Variants in HOXA5 observed in about 807,000 individuals in gnomAD.
The protein encoded by HOXA5 is homeobox protein Hox-A5.
Under a neutral mutation model 20.0 loss-of-function variants are expected in HOXA5, and 12 were observed. The observed-to-expected ratio is 0.60, with a 90% CI of 0.38 to 0.97. The LOEUF is 0.97. Among genes scored for constraint, HOXA5 ranks in the 50% least tolerant of loss-of-function variants. HOXA5 has a pLI of 0.00. For synonymous variants in HOXA5, 159 were observed against 157.7 expected (o/e 1.01, Z -0.06); for missense variants, 352 against 380.3 (o/e 0.93, Z 0.62).
chr7:27,143,196 T>C lies in HOXA5; in HGVS notation c.412A>G (p.Ser138Gly). Residue 138 changes from serine (S) to glycine (G), a missense_variant, in exon 1 of 2, where the codon AGC (serine) becomes GGC (glycine). By Grantham distance (56) the Ser-to-Gly change is moderately conservative. Coordinates refer to ENST00000222726, the MANE Select transcript of HOXA5 (RefSeq NM_019102.4). Reference protein sequence around the residue: ...ASADAGSTHISSREGVGTASG... With the variant: ...ASADAGSTHIGSREGVGTASG... ...GCCGTGCCAACCCCCTCTCTGCTGC[T>C]GATGTGGGTGCTGCCGGCGTCGGCC... is the stretch of plus-strand genomic sequence containing the variant. 1 of 1,611,274 alleles carries C rather than the reference T, an allele frequency of 6.2e-7. No individual in the cohort carries two copies. The highest frequency in any genetic ancestry group is 1.1e-5 in the South Asian group (1 of 90,814).
chr7:27,142,120 T>C, intron 1 of HOXA5, 35 bp from the exon 2 acceptor site: 1 of 1,598,028 alleles, frequency 6.3e-7, no homozygotes, highest in Non-Finnish European at 8.5e-7. Context: ...AGCCACCAAC[T>C]CCTGTCTTCC....
intron 1 of HOXA5, chr7:27,142,582 A>G (rs1206947186): frequency 1.1e-5 from 2 of 183,226 alleles, no homozygotes; most frequent in East Asian, 1.6e-4. Context: ...AAAATTCAGA[A>G]TCCTGCAGGC....
rs1372868230 is a variant in HOXA5, at chr7:27,141,820, T to A, written c.*15A>T. 1.2e-6 allele frequency: 2 copies of A among 1,612,900 alleles called. No homozygotes were observed. Among genetic ancestry groups the A allele is most frequent in the African/African-American group, 1.3e-5 (1 of 74,868 alleles). On this transcript the variant is annotated 3_prime_UTR_variant, in exon 2 of 2. Transcript: ENST00000222726. ...GATCCGCTAATACTGCTCAGTACTT[T>A]AAACGCTCAGATACTCAGGGACGGA...
At chr7:27,142,722 C>G (rs41303384) in intron 1 of HOXA5, 2 of 354,368 alleles carry the variant, frequency 5.6e-6, no homozygotes, top group Non-Finnish European at 1.0e-5. Context: ...CAGCCATCCT[C>G]TACCTCTCTG....
chr7:27,141,627 A>C lies in HOXA5; in HGVS notation c.*208T>G. On this transcript the variant is annotated 3_prime_UTR_variant, in exon 2 of 2. Coordinates refer to ENST00000222726, the MANE Select transcript of HOXA5 (RefSeq NM_019102.4). ...ATCTATTTTTTTTCAAGACAAAGCCATTCAGGACAAAGAGATGAACAGAAA... is the reference window on the plus strand; with the variant it reads ...ATCTATTTTTTTTCAAGACAAAGCCCTTCAGGACAAAGAGATGAACAGAAA... 2.0e-6 allele frequency: 1 copy of C among 509,474 alleles called. No individual in the cohort carries two copies. The highest frequency in any genetic ancestry group is 3.3e-6 in the Non-Finnish European group (1 of 301,630). The allele number at this position is 509,474 out of a possible 1,614,324, so 31.6% of individuals were successfully genotyped here. A position where few individuals can be genotyped will look rare whatever the true frequency, so the allele number is the denominator to read the frequency against.
Position 27,143,153 on chromosome 7 carries a change from T to G in HOXA5, c.455A>C (p.Asp152Ala), listed in dbSNP as rs776140545. 1 of 1,609,398 alleles carries G rather than the reference T, an allele frequency of 6.2e-7. No homozygotes were observed. Among genetic ancestry groups the G allele is most frequent in the South Asian group, 1.1e-5 (1 of 90,320 alleles). ...GVGTASGAEE[D>A]APASSEQASA... The stretch of plus-strand genomic sequence containing the variant: ...CGCCTGCTCGCTGCTGGCAGGGGCG[T>G]CCTCCTCGGCTCCGGACGCCGTGCC... Residue 152 changes from aspartate (D) to alanine (A), a missense_variant, in exon 1 of 2, where the codon GAC becomes GCC. Around this residue, in one of 3 missense-constraint regions of HOXA5, gnomAD observed 319 missense variants for 336.5 expected, o/e 0.95. Coordinates refer to ENST00000222726, the MANE Select transcript of HOXA5 (RefSeq NM_019102.4).
In HOXA5 at chr7:27,141,224, A is replaced by G. The variant is rs1193692952; in HGVS notation, c.*611T>C. The G allele has an allele frequency of 6.6e-6, 1 of 152,130 alleles. No individual in the cohort carries two copies. Among genetic ancestry groups the G allele is most frequent in the Non-Finnish European group, 1.5e-5 (1 of 68,014 alleles). 9.4% of individuals were successfully genotyped at this position (152,130 alleles called of 1,614,324 possible). A position where few individuals can be genotyped will look rare whatever the true frequency, so the allele number is the denominator to read the frequency against. On this transcript the variant is annotated 3_prime_UTR_variant, in exon 2 of 2. Transcript: ENST00000222726. ...AACATACATCACTGAAGCTGCGCTT[A>G]TAAGAGCCACTTCCAGAGTTCGTGC...
Position 27,143,095 on chromosome 7 carries a change from G to T in HOXA5, c.513C>A (p.Pro171=). 1 of 1,560,036 alleles carries T rather than the reference G, an allele frequency of 6.4e-7. No homozygotes were observed. Among genetic ancestry groups the T allele is most frequent in the South Asian group, 1.2e-5 (1 of 81,750 alleles). ...TCCAGGGGTAGATCTGGGGTTGGGC[G>T]GGCGGCGCCGGGCTCGGCTCGCTCT... The part of the protein sequence containing the change: ...SAQSEPSPAP[P]AQPQIYPWMR... The change falls in exon 1 of 2, where the codon CCC becomes CCA. Residue 171 remains proline, a synonymous_variant. Coordinates refer to ENST00000222726, the MANE Select transcript of HOXA5 (RefSeq NM_019102.4).
Position 27,143,425 on chromosome 7 carries a change from G to A in HOXA5, c.183C>T (p.Ser61=), listed in dbSNP as rs752758628. The change falls in exon 1 of 2, where the codon TCC becomes TCT. Residue 61 remains serine, a synonymous_variant. Transcript: ENST00000222726. The part of the protein sequence containing the change: ...GMDLSVGRSG[S]GHFGSGERAR... ...CGCGCTCTCCGGAGCCAAAGTGGCC[G>A]GAGCCCGAGCGGCCGACGCTGAGAT... The A allele has an allele frequency of 1.9e-6, 3 of 1,612,588 alleles. No individual in the cohort carries two copies. Among genetic ancestry groups the A allele is most frequent in the South Asian group, 2.2e-5 (2 of 91,000 alleles).
chr7:27,142,442 C>G (rs1782603523), intron 1 of HOXA5, among the ~76,000 whole-genome samples: 1 of 152,182 alleles, frequency 6.6e-6, no homozygotes, highest in African/African-American at 2.4e-5. Context: ...CTTTCCTGAG[C>G]GCCCAAGTGG....
intron 1 of HOXA5, 66 bp from the exon 2 acceptor site, chr7:27,142,151 G>A: frequency 6.4e-7 from 1 of 1,556,890 alleles, no homozygotes; most frequent in Non-Finnish European, 8.7e-7. Context: ...AGGGGGACAA[G>A]CTTGGGTCAT....
chr7:27,142,245 C>T (rs1782597683), intron 1 of HOXA5, among the ~76,000 whole-genome samples, 160 bp from the exon 2 acceptor site: 1 of 152,238 alleles, frequency 6.6e-6, no homozygotes, highest in Non-Finnish European at 1.5e-5. Flanking sequence ...CTCTTCCTTT[C>T]TAGAAAGAAA....
At position 27,143,431 on chromosome 7, in the gene HOXA5, C is replaced by G. The variant is rs374569929; in HGVS notation, c.177G>C (p.Ser59=). The G allele has an allele frequency of 1.6e-5, 25 of 1,612,844 alleles. No individual in the cohort carries two copies. In the East Asian group the frequency reaches 5.1e-4, roughly 33 times the overall value. ...YNGMDLSVGR[S]GSGHFGSGER... ...CTCCGGAGCCAAAGTGGCCGGAGCC[C>G]GAGCGGCCGACGCTGAGATCCATGC... Residue 59 remains serine (S), a synonymous_variant, in exon 1 of 2, where the codon TCG becomes TCC. Transcript: ENST00000222726.
At position 27,143,395 on chromosome 7, in the gene HOXA5, G is replaced by A; in HGVS notation, c.213C>T (p.Arg71=). 6.2e-7 allele frequency: 1 copy of A among 1,606,508 alleles called. No homozygotes were observed. Among genetic ancestry groups the A allele is most frequent in the Non-Finnish European group, 8.5e-7 (1 of 1,177,918 alleles). ...SGHFGSGERA[R]SYAASASAAP... is the part of the protein sequence containing the mutation. Reference sequence around the variant, plus strand: ...CCGCGCTGGCGCTGGCAGCGTAGCTGCGGGCGCGCTCTCCGGAGCCAAAGT... The same window carrying A: ...CCGCGCTGGCGCTGGCAGCGTAGCTACGGGCGCGCTCTCCGGAGCCAAAGT... Residue 71 remains arginine (R), a synonymous_variant, in exon 1 of 2, where the codon CGC becomes CGT. Transcript: ENST00000222726.
rs1782655923 is a variant in HOXA5 at position 27,143,662 on chromosome 7, A to C, written c.-55T>G. ...GGCTCGCGGTCGTTTGTGCGTCTATAGCACCCTTGCACAATTTATGATGAA... is the reference window on the plus strand; with the variant it reads ...GGCTCGCGGTCGTTTGTGCGTCTATCGCACCCTTGCACAATTTATGATGAA... On this transcript the variant is annotated 5_prime_UTR_variant, in exon 1 of 2. Transcript: ENST00000222726. 1 of 1,542,402 alleles carries C rather than the reference A, an allele frequency of 6.5e-7. No individual in the cohort carries two copies. Among genetic ancestry groups the C allele is most frequent in the Non-Finnish European group, 8.7e-7 (1 of 1,143,082 alleles).
rs1469871104 is a variant in HOXA5, at chr7:27,143,354, C to T, written c.254G>A (p.Arg85Lys). The T allele has an allele frequency of 3.1e-6, 5 of 1,593,226 alleles. No individual in the cohort carries two copies. In the East Asian group the frequency reaches 6.8e-5, roughly 22 times the overall value. ...ASASAAPAEP[R>K]YSQPATSTHS... ...CGTGGACGTGGCCGGCTGGCTGTAC[C>T]TGGGCTCGGCGGGCGCCGCGCTGGC... The change falls in exon 1 of 2, where the codon AGG (arginine) becomes AAG (lysine). Residue 85 changes from arginine to lysine, a missense_variant. By Grantham distance (26) the Arg-to-Lys change is conservative (BLOSUM62 2). Transcript: ENST00000222726.
At position 27,141,871 on chromosome 7, in the gene HOXA5, C is replaced by A; in HGVS notation, c.777G>T (p.Met259Ile). ...KWKKDNKLKS[M>I]SMAAAGGAFR... Reference sequence around the variant, plus strand: ...AGGCCCCTCCTGCCGCGGCCATGCTCATGCTTTTCAGCTTATTATCTTTTT... The same window carrying A: ...AGGCCCCTCCTGCCGCGGCCATGCTAATGCTTTTCAGCTTATTATCTTTTT... Residue 259 changes from methionine to isoleucine, a missense_variant, in exon 2 of 2, where the codon ATG becomes ATT. By Grantham distance (10) the Met-to-Ile change is conservative (BLOSUM62 1). This residue lies in a region of HOXA5 where 30 missense variants were observed against 26.0 expected (regional missense o/e 1.15). Coordinates refer to ENST00000222726, the MANE Select transcript of HOXA5 (RefSeq NM_019102.4). 1 of 1,614,234 alleles carries A rather than the reference C, an allele frequency of 6.2e-7. No homozygotes were observed. The highest frequency in any genetic ancestry group is 8.5e-7 in the Non-Finnish European group (1 of 1,180,046).
At position 27,141,465 on chromosome 7, in the gene HOXA5, A is replaced by G. The variant is rs935929440; in HGVS notation, c.*370T>C. ...CACTTCCACGCACATGCACAGTTAA[A>G]CAACTTGAGTGCAACACACAACATT... On this transcript the variant is annotated 3_prime_UTR_variant, in exon 2 of 2. Coordinates refer to ENST00000222726, the MANE Select transcript of HOXA5 (RefSeq NM_019102.4). 4 of 205,446 alleles carry G rather than the reference A, an allele frequency of 1.9e-5. No homozygotes were observed. The highest frequency in any genetic ancestry group is 4.0e-5 in the Non-Finnish European group (4 of 101,200). The allele number at this position is 205,446 out of a possible 1,614,324, so 12.7% of individuals were successfully genotyped here. A position where few individuals can be genotyped will look rare whatever the true frequency, so the allele number is the denominator to read the frequency against.
chr7:27,143,407 T>C lies in HOXA5; in HGVS notation c.201A>G (p.Gly67=), dbSNP rs1782645197. ...GRSGSGHFGS[G]ERARSYAASA... ...TGGCAGCGTAGCTGCGGGCGCGCTC[T>C]CCGGAGCCAAAGTGGCCGGAGCCCG... The change falls in exon 1 of 2, where the codon GGA becomes GGG. Residue 67 remains glycine, a synonymous_variant. Coordinates refer to ENST00000222726, the MANE Select transcript of HOXA5 (RefSeq NM_019102.4). 1 of 1,610,710 alleles carries C rather than the reference T, an allele frequency of 6.2e-7. No individual in the cohort carries two copies. Among genetic ancestry groups the C allele is most frequent in the Non-Finnish European group, 8.5e-7 (1 of 1,179,270 alleles).
Sources: allele counts gnomAD v4.1 joint callset (sites outside exome capture counted in the v4.1 genomes callset), GRCh38; gene constraint gnomAD v4.1.1; regional missense constraint gnomAD v4.1.1; transcripts MANE v1.5; gene names NCBI Gene and HGNC (gene_info 2026-07-23, HGNC 2026-07-21).